The following PPP2R1B variants were observed in gnomAD, a reference collection of about 807,000 sequenced individuals.
The protein encoded by PPP2R1B is protein phosphatase 2 scaffold subunit Abeta.
A neutral mutation model predicts 72.7 loss-of-function variants in PPP2R1B; 58 were observed. The ratio of observed to expected loss-of-function variants is 0.80; its 90% CI spans 0.65 to 0.99. The LOEUF is 0.99. Ranked by LOEUF, PPP2R1B falls within the 50% of genes least tolerant of loss-of-function variation. The pLI is 0.00. For synonymous variants in PPP2R1B, 256 were observed against 264.6 expected, an observed-to-expected ratio of 0.97 and a Z score of 0.32; for missense variants, 695 against 733.6, an observed-to-expected ratio of 0.95 and a Z score of 0.61.
rs142778646 is a variant in PPP2R1B, at chr11:111,739,563, C to T, written c.*2033G>A. 8.5e-3 allele frequency: 8,419 copies of T among 985,428 alleles called. 45 individuals carry two copies. Among genetic ancestry groups the T allele is most frequent in the Middle Eastern group, 0.025 (48 of 1,914 alleles). 61.0% of individuals were successfully genotyped at this position (985,428 alleles called of 1,614,324 possible). On this transcript the variant is annotated 3_prime_UTR_variant, in exon 15 of 15. Coordinates refer to ENST00000527614, the MANE Select transcript of PPP2R1B (RefSeq NM_002716.5). ...CAGGGCCCACTCTCCCTCTCTCAAA[C>T]AGTTTTAGGGTAGAGAAGTCAATGC...
At chr11:111,699,626 G>GT in the PPP2R1B span, among the ~76,000 whole-genome samples, 1 of 152,200 alleles carries the variant, frequency 6.6e-6, no homozygotes. Context: ...AATGGGGATT[G>GT]TTACTGTTAT....
chr11:111,703,169 T>C, the PPP2R1B span: 7 of 1,598,996 alleles, frequency 4.4e-6, no homozygotes, highest in Non-Finnish European at 4.3e-6. Context: ...GCAAGGTGAT[T>C]CTTGTGACTT....
intron 1 of PPP2R1B, 181 bp downstream of exon 1, chr11:111,766,067 G>T: frequency 1.6e-6 from 1 of 635,382 alleles, no homozygotes. Context: ...AGAGGTACCC[G>T]GGAGGGTCGG....
At chr11:111,701,461 G>C in the PPP2R1B span, 1 of 1,613,716 alleles carries the variant, frequency 6.2e-7, no homozygotes, top group Non-Finnish European at 8.5e-7. This position sits in a 1 kb window ranked among gnomAD's most constrained non-coding sequence, Gnocchi z 4.2. Flanking sequence ...GAGTATGGGA[G>C]TTGTTCTTTA....
chr11:111,713,022 A>C, the PPP2R1B span, among the ~76,000 whole-genome samples: 6 of 152,104 alleles, frequency 3.9e-5, no homozygotes, highest in Admixed American at 3.9e-4. Flanking sequence ...AAAATTAGCC[A>C]GGCGTGGTGG....
At chr11:111,743,226 T>C (rs1944587917) in intron 12 of PPP2R1B, 150 bp downstream of exon 12, 5 of 861,086 alleles carry the variant, frequency 5.8e-6, no homozygotes, top group Non-Finnish European at 8.6e-6. Flanking sequence ...ATTTTAAAAT[T>C]GACATTTTCT....
chr11:111,744,260 A>G (rs555248468), intron 11 of PPP2R1B, among the ~76,000 whole-genome samples: 1 of 152,350 alleles, frequency 6.6e-6, no homozygotes, highest in East Asian at 1.9e-4. Context: ...TTCCAGCAAC[A>G]TCACGGAGAA....
chr11:111,763,821 G>C (rs1945417413), intron 3 of PPP2R1B, among the ~76,000 whole-genome samples: 1 of 150,628 alleles, frequency 6.6e-6, no homozygotes, highest in Admixed American at 6.7e-5. Context: ...AAAAAGCATA[G>C]GCCTATATAC....
intron 15 of PPP2R1B, among the ~76,000 whole-genome samples, chr11:111,731,924 C>G (rs1466110547): frequency 6.6e-6 from 1 of 152,240 alleles, no homozygotes; most frequent in Non-Finnish European, 1.5e-5. Context: ...AAAAACAACT[C>G]CAATGCCCCA....
At chr11:111,690,002 C>A in the PPP2R1B span, among the ~76,000 whole-genome samples, 3 of 150,784 alleles carry the variant, frequency 2.0e-5, no homozygotes, top group Non-Finnish European at 4.4e-5. Flanking sequence ...ATATATATAT[C>A]ACACATATAC....
the PPP2R1B span, chr11:111,704,928 G>A: frequency 1.3e-6 from 2 of 1,509,772 alleles, no homozygotes; most frequent in East Asian, 2.5e-5. Context: ...TTAGGCATGT[G>A]TAGATCATTG....
downstream of PPP2R1B, among the ~76,000 whole-genome samples, chr11:111,736,771 G>A (rs528299012): frequency 2.0e-5 from 3 of 152,332 alleles, no homozygotes; most frequent in East Asian, 1.9e-4. Context: ...TTCACTAAGC[G>A]AACCTACTAG....
downstream of PPP2R1B, among the ~76,000 whole-genome samples, chr11:111,732,929 A>G (rs117835333): frequency 6.6e-6 from 1 of 152,302 alleles, no homozygotes; most frequent in Non-Finnish European, 1.5e-5. Context: ...CCCACCAGTG[A>G]CTTCAAAAGC....
chr11:111,739,047 GA>G lies in PPP2R1B; in HGVS notation c.*2548del. The G allele has an allele frequency of 2.0e-6, 2 of 985,406 alleles. No homozygotes were observed. The highest frequency in any genetic ancestry group is 1.2e-6 in the Non-Finnish European group (1 of 829,934). The allele number at this position is 985,406 out of a possible 1,614,324, so 61.0% of individuals were successfully genotyped here. A position where few individuals can be genotyped will look rare whatever the true frequency, so the allele number is the denominator to read the frequency against. ...AACTGTAGTCTAAGCCAGGGGACCAGAAAAGGGCCACATAAAGCTTGTTTCC... is the reference window on the plus strand; with the variant it reads ...AACTGTAGTCTAAGCCAGGGGACCAGAAAGGGCCACATAAAGCTTGTTTCC... On this transcript the variant is annotated 3_prime_UTR_variant, in exon 15 of 15. Coordinates refer to ENST00000527614, the MANE Select transcript of PPP2R1B (RefSeq NM_002716.5).
chr11:111,750,599 AT>A (rs2136072213), intron 10 of PPP2R1B, among the ~76,000 whole-genome samples: 1 of 152,336 alleles, frequency 6.6e-6, no homozygotes, highest in East Asian at 1.9e-4. Flanking sequence ...GTAACAGACA[AT>A]TACAATACTC....
chr11:111,764,710 G>A (rs1351035840), intron 3 of PPP2R1B, 95 bp downstream of exon 3: 10 of 1,218,828 alleles, frequency 8.2e-6, no homozygotes, highest in South Asian at 8.0e-5. Context: ...AAAAAGATCT[G>A]CATAAAAAAT....
At chr11:111,765,168 C>G (rs1945476668) in intron 2 of PPP2R1B, 126 bp downstream of exon 2, 1 of 1,088,362 alleles carries the variant, frequency 9.2e-7, no homozygotes, top group Non-Finnish European at 1.3e-6. Flanking sequence ...ATACTCTGTT[C>G]TGTTTCTTTT....
At chr11:111,712,119 C>A in the PPP2R1B span, 2 of 1,273,608 alleles carry the variant, frequency 1.6e-6, no homozygotes, top group East Asian at 4.7e-5. Flanking sequence ...TCTTTAATTG[C>A]CACAGGAAGA....
At chr11:111,723,380 T>A, downstream of PPP2R1B, 1 of 1,161,762 alleles carries the variant, frequency 8.6e-7, no homozygotes, top group Non-Finnish European at 1.2e-6. Context: ...TTGTTTTTGC[T>A]GACATGAGAG....
Sources: gnomAD v4.1 joint callset for allele counts (sites outside exome capture counted in the v4.1 genomes callset) on GRCh38, gnomAD v4.1.1 for gene constraint, Gnocchi (gnomAD v3.1) non-coding constraint, MANE v1.5 for transcripts, NCBI Gene and HGNC (gene_info 2026-07-23, HGNC 2026-07-21) for gene names.